Variants in SLCO2B1 observed in about 807,000 individuals in gnomAD.
SLCO2B1 encodes the protein OATP-RP2.
In SLCO2B1, 41 loss-of-function variants were observed where a neutral mutation model predicts 67.3. That is an observed-to-expected ratio of 0.61 (90% confidence interval 0.47 to 0.79). The LOEUF is 0.79. Among genes scored for constraint, SLCO2B1 ranks in the 30% least tolerant of loss-of-function variants. The pLI, the probability that SLCO2B1 is intolerant of heterozygous loss-of-function variation, is 0.00. For synonymous variants in SLCO2B1, 379 were observed against 381.4 expected (o/e 0.99, Z 0.07); for missense variants, 837 against 920.1 (o/e 0.91, Z 1.17).
chr11:75,185,346 G>A (rs1304261472), intron 7 of SLCO2B1, among the ~76,000 whole-genome samples: 1 of 152,144 alleles, frequency 6.6e-6, no homozygotes, highest in African/African-American at 2.4e-5. Context: ...GCCCAAATGA[G>A]TGCTCTCCAG....
At position 75,165,778 on chromosome 11, in the gene SLCO2B1, C is replaced by A. The variant is rs1282286644; in HGVS notation, c.286-9C>A. ...TTCCACCTTAATGGGTCACCTCGTC[C>A]TTTTGCAGGTGGGGAACACAGCCTT... On this transcript the variant is annotated splice_polypyrimidine_tract_variant and intron_variant, in intron 3 of 13. Coordinates refer to ENST00000289575, the MANE Select transcript of SLCO2B1 (RefSeq NM_007256.5). 2 of 1,613,776 alleles carry A rather than the reference C, an allele frequency of 1.2e-6. No individual in the cohort carries two copies. The highest frequency in any genetic ancestry group is 2.7e-5 in the African/African-American group (2 of 74,920).
chr11:75,202,905 G>A lies in SLCO2B1; in HGVS notation c.1768G>A (p.Val590Met). The change falls in exon 12 of 14, where the codon GTG becomes ATG. Residue 590 changes from valine (V) to methionine (M), a missense_variant. Physicochemically the swap from Val to Met is conservative, Grantham distance 21 (BLOSUM62 1). Coordinates refer to ENST00000289575, the MANE Select transcript of SLCO2B1 (RefSeq NM_007256.5). ...TPSFMLILRG[V>M]KKEDKTLAVG... ...GCCCATGTCTCTGCTTGTTAGAGGA[G>A]TGAAGAAAGAAGACAAGACTTTGGC... 1 of 1,613,876 alleles carries A rather than the reference G, an allele frequency of 6.2e-7. No individual in the cohort carries two copies. The highest frequency in any genetic ancestry group is 8.5e-7 in the Non-Finnish European group (1 of 1,179,928).
chr11:75,167,545 CT>C (rs1445360761), intron 4 of SLCO2B1, among the ~76,000 whole-genome samples: 15 of 152,244 alleles, frequency 9.9e-5, no homozygotes, highest in African/African-American at 3.6e-4. Context: ...GGCTATTCCA[CT>C]CACTTATTCT....
At chr11:75,188,266 G>A in intron 8 of SLCO2B1, 28 bp downstream of exon 8, 5 of 1,494,026 alleles carry the variant, frequency 3.3e-6, no homozygotes, top group Non-Finnish European at 4.7e-6. Context: ...AGGTTATGGG[G>A]AGCCAGGGCC....
chr11:75,169,679 A>G lies in SLCO2B1; in HGVS notation c.696A>G (p.Ala232=), dbSNP rs201401813. 1.9e-6 allele frequency: 3 copies of G among 1,612,850 alleles called. No individual in the cohort carries two copies. The highest frequency in any genetic ancestry group is 2.7e-5 in the African/African-American group (2 of 74,862). ...TTTGTGTTGTAGGGATCCTGTTTGC[A>G]GTGACCATGATGGGGCCAGGCCTGG... The part of the protein sequence containing the change: ...NSPLYLGILF[A]VTMMGPGLAF... Residue 232 remains alanine (A), a synonymous_variant, in exon 6 of 14, where the codon GCA becomes GCG. Coordinates refer to ENST00000289575, the MANE Select transcript of SLCO2B1 (RefSeq NM_007256.5).
At chr11:75,159,986 C>T (rs1483305051) in intron 1 of SLCO2B1, 8 of 407,638 alleles carry the variant, frequency 2.0e-5, no homozygotes, top group Admixed American at 6.4e-5. Flanking sequence ...AGCAAGGATG[C>T]CACCAGTATA....
At chr11:75,191,699 C>T (rs145030249) in intron 8 of SLCO2B1, among the ~76,000 whole-genome samples, 1 of 152,320 alleles carries the variant, frequency 6.6e-6, no homozygotes, top group East Asian at 1.9e-4. Context: ...ATCCCCATGG[C>T]CCTACCAGCC....
chr11:75,173,717 G>A (rs912376307), intron 7 of SLCO2B1, among the ~76,000 whole-genome samples: 1 of 152,166 alleles, frequency 6.6e-6, no homozygotes, highest in Non-Finnish European at 1.5e-5. Flanking sequence ...GGACTTCCAA[G>A]TTTTTCAGAT....
chr11:75,191,570 A>T (rs1945023304), intron 8 of SLCO2B1, among the ~76,000 whole-genome samples: 1 of 152,136 alleles, frequency 6.6e-6, no homozygotes, highest in Admixed American at 6.5e-5. Flanking sequence ...AGCCTGGCCC[A>T]GGGGGCTAGG....
chr11:75,191,978 A>G (rs1415622737), intron 8 of SLCO2B1, among the ~76,000 whole-genome samples: 2 of 152,146 alleles, frequency 1.3e-5, no homozygotes, highest in African/African-American at 4.8e-5. Context: ...CCATTTTAGG[A>G]GCTAGCAGGA....
rs144746239 is a variant in SLCO2B1, at chr11:75,204,543, C to T, written c.2093C>T (p.Ser698Leu). 4.0e-5 allele frequency: 65 copies of T among 1,612,418 alleles called. No homozygotes were observed. The highest frequency in any genetic ancestry group is 5.2e-5 in the Non-Finnish European group (61 of 1,179,340). The part of the protein sequence containing the change: ...SPAVEQQLLV[S>L]GPGKKPEDSR... The stretch of plus-strand genomic sequence containing the variant: ...GCCGTAGAGCAGCAATTGCTAGTGT[C>T]GGGGCCAGGGAAGAAGCCAGAGGAT... The change falls in exon 14 of 14, where the codon TCG becomes TTG. Residue 698 changes from serine (S) to leucine (L), a missense_variant. Ser to Leu is a moderately radical substitution (Grantham distance 145). Coordinates refer to ENST00000289575, the MANE Select transcript of SLCO2B1 (RefSeq NM_007256.5).
chr11:75,187,659 GATA>G (rs1417928386), intron 7 of SLCO2B1, among the ~76,000 whole-genome samples: 1 of 152,154 alleles, frequency 6.6e-6, no homozygotes, highest in Non-Finnish European at 1.5e-5. Context: ...AGGTGACAGT[GATA>G]ATGATGATTG....
chr11:75,171,153 C>T (rs568615438), intron 6 of SLCO2B1, among the ~76,000 whole-genome samples: 135 of 152,322 alleles, frequency 8.9e-4, no homozygotes, highest in African/African-American at 3.1e-3. Context: ...TTTACAGGTG[C>T]GTTTGCTAAG....
intron 7 of SLCO2B1, among the ~76,000 whole-genome samples, chr11:75,177,430 AG>A (rs1950039638): frequency 1.3e-5 from 2 of 152,188 alleles, no homozygotes; most frequent in Non-Finnish European, 2.9e-5. Context: ...CTGCAGTGGC[AG>A]GGACAGGGCT....
intron 1 of SLCO2B1, chr11:75,159,851 G>A: frequency 1.0e-6 from 1 of 985,722 alleles, no homozygotes; most frequent in Non-Finnish European, 1.2e-6. Context: ...GGCTGGGATT[G>A]AAGCTTCAGG....
At chr11:75,181,721 G>A (rs181523757) in intron 7 of SLCO2B1, among the ~76,000 whole-genome samples, 9 of 152,286 alleles carry the variant, frequency 5.9e-5, no homozygotes, top group African/African-American at 1.4e-4. Flanking sequence ...CATGGTGTCC[G>A]GCAGGCTTGC....
intron 7 of SLCO2B1, among the ~76,000 whole-genome samples, chr11:75,184,039 C>T (rs886459003): frequency 5.9e-5 from 9 of 152,272 alleles, no homozygotes; most frequent in Non-Finnish European, 1.0e-4. Flanking sequence ...AAGGTAGTTC[C>T]GCTAGAGCTG....
At chr11:75,159,992 G>C (rs1379401564) in intron 1 of SLCO2B1, 1 of 370,490 alleles carries the variant, frequency 2.7e-6, no homozygotes. Context: ...GATGCCACCA[G>C]TATACCCAGG....
intron 7 of SLCO2B1, among the ~76,000 whole-genome samples, chr11:75,177,506 A>G (rs1950040874): frequency 6.6e-6 from 1 of 152,196 alleles, no homozygotes; most frequent in Non-Finnish European, 1.5e-5. Flanking sequence ...GGATGGCACC[A>G]TGCTCGAGGG....
Sources: gnomAD v4.1 joint callset for allele counts (sites outside exome capture counted in the v4.1 genomes callset) on GRCh38, gnomAD v4.1.1 for gene constraint, MANE v1.5 for transcripts, NCBI Gene and HGNC (gene_info 2026-07-23, HGNC 2026-07-21) for gene names.